UNC93A: variants seen among roughly 807,000 people sequenced by gnomAD.
The protein encoded by UNC93A is N-acetylglucosamine transporter UNC93A.
A neutral mutation model predicts 47.5 loss-of-function variants in UNC93A; 43 were observed. The ratio of observed to expected loss-of-function variants is 0.91; its 90% CI spans 0.71 to 1.17. The LOEUF is 1.17. UNC93A is among the 50% of genes most tolerant of loss of function. The probability of loss-of-function intolerance (pLI) is 0.00; values close to 1 mark genes in which losing one functional copy is unlikely to be tolerated. For synonymous variants in UNC93A, 280 were observed against 258.0 expected (o/e 1.09, Z -0.82); for missense variants, 605 against 577.6 (o/e 1.05, Z -0.49).
At chr6:167,271,694 AGGT>A (rs934241506) in intron 1 of UNC93A, among the ~76,000 whole-genome samples, 1 of 152,222 alleles carries the variant, frequency 6.6e-6, no homozygotes, top group Non-Finnish European at 1.5e-5. Flanking sequence ...GGCAAAAGAC[AGGT>A]TGACAAAATA....
At position 167,284,323 on chromosome 6, in the gene UNC93A, CTG is replaced by C. The variant is rs565751613; in HGVS notation, c.-51-7115_-51-7114del. Among the ~76,000 whole-genome samples the C allele has an allele frequency of 4.2e-4, 64 of 151,876 alleles. 2 individuals are homozygous for C. In the South Asian group the frequency reaches 6.2e-3, roughly 15 times the overall value. The stretch of plus-strand genomic sequence containing the variant: ...TAACAGTTGCGTGAGCTTCTAGAGA[CTG>C]GCCCAGTGCATGACATGCAGTTGGT... On this transcript the variant is annotated intron_variant, in intron 1 of 3. Transcript: ENST00000503433.
intron 6 of UNC93A, among the ~76,000 whole-genome samples, chr6:167,307,418 G>A (rs1227868731): frequency 1.4e-5 from 2 of 139,114 alleles, no homozygotes; most frequent in South Asian, 2.3e-4. Flanking sequence ...CCAGAGGATG[G>A]TTGAGACGGT....
intron 1 of UNC93A, among the ~76,000 whole-genome samples, chr6:167,284,908 C>G (rs1036043420): frequency 2.0e-4 from 31 of 152,080 alleles, no homozygotes; most frequent in Non-Finnish European, 3.1e-4. Context: ...ACAGCGCACA[C>G]AGCCCACCAA....
intron 1 of UNC93A, among the ~76,000 whole-genome samples, chr6:167,294,301 A>C (rs1035759317): frequency 7.2e-5 from 11 of 151,802 alleles, no homozygotes; most frequent in Admixed American, 5.2e-4. Context: ...CCGGGCCTTC[A>C]CTCCCTGATG....
intron 1 of UNC93A, 47 bp downstream of exon 1, chr6:167,291,623 G>C (rs1257507434): frequency 6.5e-7 from 1 of 1,540,092 alleles, no homozygotes. Flanking sequence ...TGGCCTCCAA[G>C]AATCCCTGTG....
upstream of UNC93A, among the ~76,000 whole-genome samples, chr6:167,269,943 A>T (rs1355602134): frequency 6.6e-6 from 1 of 151,182 alleles, no homozygotes; most frequent in African/African-American, 2.4e-5. Flanking sequence ...TGCTTTTTGT[A>T]CAGGGGGTCC....
At chr6:167,283,791 G>T (rs1783674288) in intron 1 of UNC93A, among the ~76,000 whole-genome samples, 2 of 152,084 alleles carry the variant, frequency 1.3e-5, no homozygotes, top group Non-Finnish European at 2.9e-5. Context: ...CTACTCAATG[G>T]TTAAAAGAGT....
intron 1 of UNC93A, among the ~76,000 whole-genome samples, chr6:167,292,553 A>C (rs571882280): frequency 1.0e-3 from 153 of 152,230 alleles, no homozygotes; most frequent in African/African-American, 3.6e-3. Flanking sequence ...CTGAACTCCT[A>C]TCTGGTTCTA....
At chr6:167,274,154 G>A (rs1413565441) in intron 1 of UNC93A, among the ~76,000 whole-genome samples, 1 of 152,166 alleles carries the variant, frequency 6.6e-6, no homozygotes, top group African/African-American at 2.4e-5. Context: ...CCAGAGTAAG[G>A]TTGGAAAGAG....
intron 1 of UNC93A, among the ~76,000 whole-genome samples, chr6:167,277,475 C>A (rs13212935): frequency 2.0e-4 from 30 of 152,264 alleles, no homozygotes; most frequent in Admixed American, 7.8e-4. Flanking sequence ...CTGGGCTCCC[C>A]CTCCACAAAA....
At chr6:167,285,938 T>TTG (rs1783720325) in intron 1 of UNC93A, among the ~76,000 whole-genome samples, 1 of 131,744 alleles carries the variant, frequency 7.6e-6, no homozygotes, top group Non-Finnish European at 1.6e-5. Flanking sequence ...TTAGTTTTCT[T>TTG]TCTCTCTCTC....
intron 6 of UNC93A, among the ~76,000 whole-genome samples, chr6:167,307,156 C>A (rs1015410323): frequency 4.0e-4 from 61 of 152,192 alleles, no homozygotes; most frequent in African/African-American, 1.4e-3. Flanking sequence ...TGACTTTAAA[C>A]CCTCTTAGCT....
chr6:167,296,967 C>T lies in UNC93A; in HGVS notation c.499+706C>T, dbSNP rs113279929. Among the ~76,000 whole-genome samples the T allele has an allele frequency of 3.8e-3, 585 of 152,290 alleles. 3 individuals are homozygous for T. Among genetic ancestry groups the T allele is most frequent in the African/African-American group, 4.9e-3 (203 of 41,542 alleles). The stretch of plus-strand genomic sequence containing the variant: ...ATCTTGCTATCCCATAAAAATCCCA[C>T]GCTTGGTAAACTCTGTAGCCAAAAC... On this transcript the variant is annotated intron_variant, in intron 3 of 7. Coordinates refer to ENST00000230256, the MANE Select transcript of UNC93A (RefSeq NM_018974.4).
At chr6:167,303,661 C>T (rs906460251) in intron 4 of UNC93A, among the ~76,000 whole-genome samples, 2 of 151,860 alleles carry the variant, frequency 1.3e-5, no homozygotes, top group African/African-American at 2.4e-5. Flanking sequence ...GTATTTTATG[C>T]CGGTGAGGAC....
At chr6:167,276,192 CT>C (rs1044026230) in intron 1 of UNC93A, among the ~76,000 whole-genome samples, 1 of 151,564 alleles carries the variant, frequency 6.6e-6, no homozygotes, top group Non-Finnish European at 1.5e-5. Context: ...GGTTTTATTC[CT>C]TTTTATGGCT....
At chr6:167,297,887 C>T in intron 3 of UNC93A, 58 bp from the exon 4 acceptor site, 1 of 1,593,790 alleles carries the variant, frequency 6.3e-7, no homozygotes, top group Non-Finnish European at 8.5e-7. Flanking sequence ...TTCTCAAGAA[C>T]CTACATCTTG....
At chr6:167,312,315 C>A (rs1778581886) in intron 7 of UNC93A, among the ~76,000 whole-genome samples, 1 of 151,764 alleles carries the variant, frequency 6.6e-6, no homozygotes, top group Non-Finnish European at 1.5e-5. Flanking sequence ...CACATCTCTC[C>A]ACTGCAAACC....
chr6:167,294,799 C>G, intron 2 of UNC93A, 101 bp downstream of exon 2: 1 of 1,331,584 alleles, frequency 7.5e-7, no homozygotes, highest in South Asian at 1.4e-5. Context: ...TTACTGTTCA[C>G]TGCAGGCATT....
chr6:167,313,720 C>G (rs1778617195), intron 7 of UNC93A, among the ~76,000 whole-genome samples: 1 of 152,042 alleles, frequency 6.6e-6, no homozygotes, highest in Non-Finnish European at 1.5e-5. Flanking sequence ...TAGCCGGGAG[C>G]TTTTAGCCAC....
Sources: gnomAD v4.1 joint callset for allele counts (sites outside exome capture counted in the v4.1 genomes callset) on GRCh38, gnomAD v4.1.1 for gene constraint, MANE v1.5 for transcripts, NCBI Gene and HGNC (gene_info 2026-07-23, HGNC 2026-07-21) for gene names.